Variants in C10orf90 observed in about 807,000 individuals in gnomAD.
C10orf90 encodes chromosome 10 open reading frame 90, also known as (E2-independent) E3 ubiquitin-conjugating enzyme FATS.
C10orf90 carries 56 observed loss-of-function variants against 62.5 expected under a neutral mutation model. That is an observed-to-expected ratio of 0.90 (90% CI 0.72 to 1.12). The LOEUF (loss-of-function observed/expected upper bound fraction) is 1.12, where lower values mean the gene tolerates loss of function less well. Among genes scored for constraint, C10orf90 ranks in the 50% most tolerant of loss-of-function variants. C10orf90 has a pLI of 0.00. For synonymous variants in C10orf90, 386 were observed against 340.4 expected (o/e 1.13, Z -1.47); for missense variants, 970 against 880.4 (o/e 1.10, Z -1.29).
At chr10:126,498,320 T>C (rs1862189334) in intron 4 of C10orf90, among the ~76,000 whole-genome samples, 1 of 152,150 alleles carries the variant, frequency 6.6e-6, no homozygotes, top group Admixed American at 6.5e-5. Flanking sequence ...CACTTCTCAA[T>C]ACCTTCACTC....
At chr10:126,632,729 C>T (rs1748091615) in intron 2 of C10orf90, among the ~76,000 whole-genome samples, 1 of 152,116 alleles carries the variant, frequency 6.6e-6, no homozygotes, top group African/African-American at 2.4e-5. Flanking sequence ...GTATTTCCAC[C>T]TCTAGATTCG....
intron 2 of C10orf90, among the ~76,000 whole-genome samples, chr10:126,543,649 G>T (rs1864426283): frequency 6.6e-6 from 1 of 152,156 alleles, no homozygotes. Flanking sequence ...CAGCTAATAT[G>T]CTTTTGCCTC....
chr10:126,609,617 G>C (rs907721205), intron 2 of C10orf90, among the ~76,000 whole-genome samples: 27 of 152,228 alleles, frequency 1.8e-4, no homozygotes, highest in South Asian at 1.4e-3. Flanking sequence ...ACCACATGAA[G>C]AAGTAAGTTG....
At chr10:126,555,680 G>GTAAATAAATAAATAAATAAATAAA (rs71032506) in intron 2 of C10orf90, among the ~76,000 whole-genome samples, 1 of 136,444 alleles carries the variant, frequency 7.3e-6, no homozygotes, top group East Asian at 2.1e-4. Flanking sequence ...CTCTATCTCA[G>GTAAATAAATAAATAAATAAATAAA]TAAATAAATA....
intron 7 of C10orf90, among the ~76,000 whole-genome samples, chr10:126,449,051 TC>T (rs1265663472): frequency 6.6e-6 from 1 of 152,182 alleles, no homozygotes; most frequent in Non-Finnish European, 1.5e-5. Context: ...CCATCATTAC[TC>T]TGACACCAAA....
At chr10:126,498,496 C>T (rs1862200896) in intron 4 of C10orf90, among the ~76,000 whole-genome samples, 1 of 152,202 alleles carries the variant, frequency 6.6e-6, no homozygotes, top group African/African-American at 2.4e-5. Context: ...CAGGTCTAGC[C>T]TAGCAAGATC....
rs578127447 is a variant in C10orf90, at chr10:126,557,397, G to A, written c.314-43458C>T. On this transcript the variant is annotated intron_variant, in intron 2 of 9. Coordinates refer to ENST00000488181, the MANE Select transcript of C10orf90 (RefSeq NM_001350921.2). Reference sequence around the variant, plus strand: ...TGGGAGGCTGAGGCAGGAGAATGGCGTGAACGTGGGAGGCAGAGCTTGCAG... The same window carrying A: ...TGGGAGGCTGAGGCAGGAGAATGGCATGAACGTGGGAGGCAGAGCTTGCAG... Among the ~76,000 whole-genome samples the A allele has an allele frequency of 1.4e-3, 209 of 150,912 alleles. 2 individuals carry two copies. Among genetic ancestry groups the A allele is most frequent in the African/African-American group, 4.5e-3 (183 of 41,102 alleles).
intron 4 of C10orf90, among the ~76,000 whole-genome samples, chr10:126,497,280 G>A (rs766507645): frequency 1.4e-4 from 22 of 152,200 alleles, no homozygotes; most frequent in Non-Finnish European, 2.6e-4. Context: ...GAGTCAGAGC[G>A]AGACAGGATG....
chr10:126,460,930 T>A (rs1226418154), intron 6 of C10orf90, among the ~76,000 whole-genome samples: 1 of 152,194 alleles, frequency 6.6e-6, no homozygotes, highest in Non-Finnish European at 1.5e-5. Context: ...CTACATTTTA[T>A]AAAACAATTG....
chr10:126,490,922 T>C (rs546620693), intron 4 of C10orf90, among the ~76,000 whole-genome samples: 1 of 152,238 alleles, frequency 6.6e-6, no homozygotes, highest in African/African-American at 2.4e-5. Context: ...TATTATTACA[T>C]AGAAAATCCT....
At chr10:126,633,932 A>G (rs1433686530) in intron 2 of C10orf90, among the ~76,000 whole-genome samples, 1 of 152,240 alleles carries the variant, frequency 6.6e-6, no homozygotes, top group Admixed American at 6.5e-5. Context: ...ACAATGAGGT[A>G]TCACTTCGCA....
intron 2 of C10orf90, among the ~76,000 whole-genome samples, chr10:126,540,326 A>C (rs879539476): frequency 2.0e-5 from 3 of 152,180 alleles, no homozygotes; most frequent in Non-Finnish European, 2.9e-5. Context: ...AAAACTTGAC[A>C]ATTAGATTTA....
intron 2 of C10orf90, among the ~76,000 whole-genome samples, chr10:126,625,106 T>TC (rs2133821114): frequency 6.6e-6 from 1 of 152,210 alleles, no homozygotes; most frequent in East Asian, 1.9e-4. Flanking sequence ...CCCCAGCATC[T>TC]CCCCCACAGT....
intron 7 of C10orf90, among the ~76,000 whole-genome samples, chr10:126,447,725 T>G (rs996148781): frequency 2.0e-4 from 30 of 152,194 alleles, no homozygotes; most frequent in Non-Finnish European, 3.8e-4. Context: ...AGCAGCAGAA[T>G]AAATATTCTT....
intron 4 of C10orf90, among the ~76,000 whole-genome samples, chr10:126,465,775 G>A (rs1860251355): frequency 6.6e-6 from 1 of 152,148 alleles, no homozygotes; most frequent in Non-Finnish European, 1.5e-5. Flanking sequence ...AATAAATTAT[G>A]GTACATTCAT....
intron 4 of C10orf90, among the ~76,000 whole-genome samples, chr10:126,499,462 T>TA (rs1207928512): frequency 6.6e-6 from 1 of 152,120 alleles, no homozygotes; most frequent in African/African-American, 2.4e-5. Context: ...GTCCCTCTAG[T>TA]AAAAAAAGTC....
chr10:126,511,655 A>C (rs141607216), intron 3 of C10orf90, among the ~76,000 whole-genome samples: 15 of 152,236 alleles, frequency 9.9e-5, no homozygotes, highest in African/African-American at 3.4e-4. Flanking sequence ...ACAAATTACA[A>C]ATAATTTAAA....
At chr10:126,597,434 G>A (rs1274568345) in intron 2 of C10orf90, among the ~76,000 whole-genome samples, 1 of 152,244 alleles carries the variant, frequency 6.6e-6, no homozygotes, top group Non-Finnish European at 1.5e-5. Flanking sequence ...CAAGTGGAGA[G>A]GAGGTTGGAA....
intron 4 of C10orf90, among the ~76,000 whole-genome samples, chr10:126,486,323 T>A (rs1861433297): frequency 6.6e-6 from 1 of 152,092 alleles, no homozygotes. Context: ...AGCATGGAAA[T>A]CCCATCTGAA....
Sources: allele counts gnomAD v4.1 joint callset (sites outside exome capture counted in the v4.1 genomes callset), GRCh38; gene constraint gnomAD v4.1.1; transcripts MANE v1.5; gene names NCBI Gene and HGNC (gene_info 2026-07-23, HGNC 2026-07-21).